The following UNC13C variants were observed in gnomAD, a reference collection of about 807,000 sequenced individuals.
UNC13C encodes the protein protein unc-13 homolog C.
Under a neutral mutation model 245.4 loss-of-function variants are expected in UNC13C, and 174 were observed. The ratio of observed to expected loss-of-function variants is 0.71; its 90% CI spans 0.63 to 0.80. The LOEUF is 0.80. Ranked by LOEUF, UNC13C falls within the 30% of genes least tolerant of loss-of-function variation. The pLI, the probability that UNC13C is intolerant of heterozygous loss-of-function variation, is 0.00. For synonymous variants in UNC13C, 992 were observed against 895.1 expected, an observed-to-expected ratio of 1.11 and a Z score of -1.93; for missense variants, 2,829 against 2,602.9, an observed-to-expected ratio of 1.09 and a Z score of -1.89.
rs147402618 is a variant in UNC13C, at chr15:54,030,108, A to G, written c.2983+14222A>G. On this transcript the variant is annotated intron_variant, in intron 2 of 32. Coordinates refer to ENST00000260323, the MANE Select transcript of UNC13C (RefSeq NM_001080534.3). ...AGCAGGTTCAGTCATTCATCCTTAT[A>G]TAGGCTTTTTCTCCACCTCTACCTC... 2.2e-3 allele frequency among the ~76,000 whole-genome samples: 333 copies of G among 152,148 alleles called. 2 individuals carry two copies. The highest frequency in any genetic ancestry group is 4.0e-3 in the Non-Finnish European group (269 of 67,992).
chr15:53,920,183 G>C, the UNC13C span, among the ~76,000 whole-genome samples: 2 of 152,094 alleles, frequency 1.3e-5, no homozygotes, highest in African/African-American at 4.8e-5. Context: ...TATTAAGGTT[G>C]TTTCTATAAT....
rs1002523144 is a variant in UNC13C, at chr15:54,135,556, A to G, written c.2984-7462A>G. On this transcript the variant is annotated intron_variant, in intron 2 of 32. Transcript: ENST00000260323. ...TTCCAATACCATTTATTGAAGAGAC[A>G]GTCCTTTCCCCATTGTGTATTCTTG... Among the ~76,000 whole-genome samples the G allele has an allele frequency of 3.9e-5, 6 of 152,304 alleles. No individual in the cohort carries two copies. The East Asian group carries it at 1.2e-3, about 29-fold the overall frequency.
intron 2 of UNC13C, among the ~76,000 whole-genome samples, chr15:54,075,211 C>T (rs1430060556): frequency 6.6e-6 from 1 of 152,080 alleles, no homozygotes; most frequent in Non-Finnish European, 1.5e-5. Flanking sequence ...CAAGGCCGGG[C>T]GCGGTGGCTC....
intron 8 of UNC13C, among the ~76,000 whole-genome samples, chr15:54,256,271 C>T (rs542498142): frequency 6.6e-6 from 1 of 152,100 alleles, no homozygotes; most frequent in Non-Finnish European, 1.5e-5. Flanking sequence ...TATAGGGCAT[C>T]TCGGCAAGAT....
chr15:54,539,416 C>G (rs532058830), intron 26 of UNC13C, among the ~76,000 whole-genome samples: 42 of 151,892 alleles, frequency 2.8e-4, no homozygotes, highest in Non-Finnish European at 5.2e-4. Context: ...AGGAGAATTA[C>G]TTTTCCTCAT....
intron 30 of UNC13C, among the ~76,000 whole-genome samples, chr15:54,590,840 G>A (rs1448799247): frequency 3.3e-5 from 5 of 152,154 alleles, no homozygotes; most frequent in Admixed American, 2.0e-4. Context: ...TTGAAGAGGA[G>A]TGCTGAGAGT....
intron 24 of UNC13C, among the ~76,000 whole-genome samples, chr15:54,519,758 G>GTA (rs1895138312): frequency 6.6e-6 from 1 of 152,078 alleles, no homozygotes; most frequent in Admixed American, 6.6e-5. Context: ...AGAGGACCGT[G>GTA]TATTCTTTTA....
chr15:53,951,556 T>A, the UNC13C span, among the ~76,000 whole-genome samples: 1 of 152,354 alleles, frequency 6.6e-6, no homozygotes, highest in African/African-American at 2.4e-5. Flanking sequence ...ACAGCCTTTG[T>A]GACATAGGTA....
chr15:54,219,910 C>G (rs1246715235), intron 4 of UNC13C, among the ~76,000 whole-genome samples: 4,364 of 151,498 alleles, frequency 0.029, 216 homozygotes, highest in African/African-American at 0.1. Context: ...CAACTCACAC[C>G]AGTTAGAATG....
intron 2 of UNC13C, among the ~76,000 whole-genome samples, chr15:54,138,978 T>TTTTTTTTTTTTA (rs1555422093): frequency 1.4e-5 from 2 of 141,156 alleles, no homozygotes; most frequent in African/African-American, 2.7e-5. Context: ...TTTTTTTTTT[T>TTTTTTTTTTTTA]GAGACGGAGT....
chr15:54,478,936 G>T (rs949397540), intron 19 of UNC13C, among the ~76,000 whole-genome samples: 2 of 152,038 alleles, frequency 1.3e-5, no homozygotes, highest in Admixed American at 6.6e-5. Flanking sequence ...TTATTAATGT[G>T]TGGGAGTCTA....
intron 24 of UNC13C, among the ~76,000 whole-genome samples, chr15:54,519,938 A>T (rs1313684862): frequency 6.6e-6 from 1 of 152,174 alleles, no homozygotes; most frequent in African/African-American, 2.4e-5. Flanking sequence ...GATTCCGGTC[A>T]AGTGGAAGAT....
At chr15:54,055,889 T>C (rs1368229150) in intron 2 of UNC13C, among the ~76,000 whole-genome samples, 2 of 152,080 alleles carry the variant, frequency 1.3e-5, no homozygotes, top group African/African-American at 4.8e-5. Flanking sequence ...GGACACCTGA[T>C]GATGAAAGAA....
intron 4 of UNC13C, among the ~76,000 whole-genome samples, chr15:54,220,344 G>T (rs545129598): frequency 6.7e-6 from 1 of 149,318 alleles, no homozygotes; most frequent in African/African-American, 2.5e-5. Context: ...ACTATGGCAA[G>T]GACAAGGAAC....
chr15:53,933,618 C>T, the UNC13C span, among the ~76,000 whole-genome samples: 9 of 152,304 alleles, frequency 5.9e-5, no homozygotes, highest in East Asian at 9.7e-4. Context: ...GACCTTAACA[C>T]GCACAGTTAG....
At chr15:54,483,757 G>A (rs1358552640) in intron 19 of UNC13C, among the ~76,000 whole-genome samples, 4 of 152,144 alleles carry the variant, frequency 2.6e-5, no homozygotes, top group Non-Finnish European at 5.9e-5. Flanking sequence ...GCCCAGCCCT[G>A]TTTTCTTCAC....
chr15:54,067,031 T>C (rs1898108871), intron 2 of UNC13C, among the ~76,000 whole-genome samples: 6 of 152,184 alleles, frequency 3.9e-5, no homozygotes, highest in Admixed American at 3.3e-4. Flanking sequence ...TGACAGTCTT[T>C]TAGCTTATAG....
the UNC13C span, among the ~76,000 whole-genome samples, chr15:53,922,024 G>C: frequency 2.0e-5 from 3 of 152,246 alleles, no homozygotes; most frequent in African/African-American, 7.2e-5. Flanking sequence ...TATGAATAAT[G>C]TTTTCTGAAA....
intron 19 of UNC13C, among the ~76,000 whole-genome samples, chr15:54,447,030 C>A (rs576614550): frequency 1.3e-5 from 2 of 152,292 alleles, no homozygotes; most frequent in African/African-American, 4.8e-5. Context: ...AAGGCCTTTT[C>A]TGCCTCTATT....
Sources: allele counts gnomAD v4.1 joint callset (sites outside exome capture counted in the v4.1 genomes callset), GRCh38; gene constraint gnomAD v4.1.1; transcripts MANE v1.5; gene names NCBI Gene and HGNC (gene_info 2026-07-23, HGNC 2026-07-21).